Variants in ABCB5 observed in about 807,000 individuals in gnomAD.
ABCB5 encodes ATP binding cassette subfamily B member 5.
Under a neutral mutation model 144.2 loss-of-function variants are expected in ABCB5, and 155 were observed. The observed-to-expected ratio is 1.08, with a 90% confidence interval of 0.94 to 1.23. The LOEUF (loss-of-function observed/expected upper bound fraction) is 1.23, where lower values mean the gene tolerates loss of function less well. Ranked by LOEUF, ABCB5 falls within the 50% of genes most tolerant of loss-of-function variation. The pLI, the probability that ABCB5 is intolerant of heterozygous loss-of-function variation, is 0.00. For missense variants in ABCB5, 1,830 were observed against 1,520.8 expected (o/e 1.20, Z -3.38); for synonymous variants, 610 against 528.6 (o/e 1.15, Z -2.11).
intron 10 of ABCB5, 38 bp from the exon 11 acceptor site, chr7:20,647,930 C>A: frequency 7.5e-7 from 1 of 1,329,766 alleles, no homozygotes; most frequent in Non-Finnish European, 1.1e-6. Context: ...TCAGTTTACT[C>A]CTTTGAAGAT....
chr7:20,658,319 T>C (rs757828314), intron 13 of ABCB5, among the ~76,000 whole-genome samples, 187 bp from the exon 14 acceptor site: 1 of 143,800 alleles, frequency 7.0e-6, no homozygotes, highest in East Asian at 2.0e-4. Context: ...TCCTCTCTTC[T>C]TTGGGCTCTT....
chr7:20,664,040 AAAAG>A (rs1316251517), intron 14 of ABCB5, among the ~76,000 whole-genome samples: 6 of 142,190 alleles, frequency 4.2e-5, no homozygotes, highest in Admixed American at 4.1e-4. Context: ...TTTTTTACCA[AAAAG>A]AGAGAGAGAG....
intron 14 of ABCB5, among the ~76,000 whole-genome samples, chr7:20,677,654 G>A (rs756977382): frequency 3.9e-4 from 60 of 152,058 alleles, no homozygotes; most frequent in African/African-American, 2.4e-5. Context: ...GCTTGAACCC[G>A]GGAGGTGGAG....
At chr7:20,650,432 T>G (rs1784546586) in intron 12 of ABCB5, among the ~76,000 whole-genome samples, 2 of 152,144 alleles carry the variant, frequency 1.3e-5, no homozygotes, top group Non-Finnish European at 2.9e-5. Context: ...AAAAAATAAG[T>G]AAATTATATA....
At chr7:20,698,662 C>T in intron 17 of ABCB5, 112 bp downstream of exon 17, 2 of 1,010,124 alleles carry the variant, frequency 2.0e-6, no homozygotes, top group East Asian at 5.7e-5. Flanking sequence ...TTTTAGTGGG[C>T]CGCCCCTAGT....
intron 14 of ABCB5, among the ~76,000 whole-genome samples, chr7:20,677,029 T>C (rs1456208265): frequency 1.3e-5 from 2 of 152,242 alleles, no homozygotes; most frequent in African/African-American, 4.8e-5. Flanking sequence ...CCTTGTAATG[T>C]ATTAATTATT....
Position 20,739,131 on chromosome 7 carries a change from A to G in ABCB5, c.3016A>G (p.Lys1006Glu), listed in dbSNP as rs748218793. ...PNIDSRSQEGKKPDTCEGNLE... is the reference protein window; with the variant it reads ...PNIDSRSQEGEKPDTCEGNLE... The stretch of plus-strand genomic sequence containing the variant: ...TATAGACAGCCGCAGTCAAGAAGGG[A>G]AAAAGCCAGTAAGCACAACTGTGAT... The change falls in exon 24 of 28, where the codon AAA becomes GAA. Residue 1006 changes from lysine (K) to glutamate (E), a missense_variant. Coordinates refer to ENST00000404938, the MANE Select transcript of ABCB5 (RefSeq NM_001163941.2). 55 of 1,599,168 alleles carry G rather than the reference A, an allele frequency of 3.4e-5. No homozygotes were observed. Among genetic ancestry groups the G allele is most frequent in the Non-Finnish European group, 4.3e-5 (50 of 1,172,562 alleles).
At chr7:20,708,609 C>A (rs1257477299) in intron 20 of ABCB5, among the ~76,000 whole-genome samples, 1 of 152,126 alleles carries the variant, frequency 6.6e-6, no homozygotes, top group Non-Finnish European at 1.5e-5. Context: ...TCAAAAATTT[C>A]CCTTGACAAA....
At chr7:20,654,515 T>C (rs182761449) in intron 13 of ABCB5, among the ~76,000 whole-genome samples, 3 of 152,324 alleles carry the variant, frequency 2.0e-5, no homozygotes, top group African/African-American at 7.2e-5. Context: ...CTGGCATTTA[T>C]ACGACATTCC....
At position 20,731,355 on chromosome 7, in the gene ABCB5, G is replaced by GAAAAAAAAAAAAAAA. The variant is rs869149519; in HGVS notation, c.2867+2901_2867+2915dup. On this transcript the variant is annotated intron_variant, in intron 23 of 27. Coordinates refer to ENST00000404938, the MANE Select transcript of ABCB5 (RefSeq NM_001163941.2). ...GCAACAGAGCAAGACTCCAACTCAG[G>GAAAAAAAAAAAAAAA]AAAAAAAAAAAAAAATATATATATA... 3.4e-4 allele frequency among the ~76,000 whole-genome samples: 44 copies of GAAAAAAAAAAAAAAA among 127,828 alleles called. No individual in the cohort carries two copies. The East Asian group carries it at 7.6e-3, about 22-fold the overall frequency. The allele number at this position is 127,828 out of a possible 152,430, so 83.9% of individuals were successfully genotyped here. A position where few individuals can be genotyped will look rare whatever the true frequency, so the allele number is the denominator to read the frequency against.
In ABCB5 at chr7:20,661,003, C is replaced by T. The variant is rs78266540; in HGVS notation, c.1707+2327C>T. 5.3e-5 allele frequency among the ~76,000 whole-genome samples: 8 copies of T among 152,346 alleles called. No individual in the cohort carries two copies. The East Asian group carries it at 1.5e-3, about 29-fold the overall frequency. ...TTCTAACTAAACAGCAACATGAAGG[C>T]ACTAACACCCTTTTCCTCACTTGGA... On this transcript the variant is annotated intron_variant, in intron 14 of 27. Coordinates refer to ENST00000404938, the MANE Select transcript of ABCB5 (RefSeq NM_001163941.2).
At chr7:20,746,874 T>C (rs1197860670) in intron 26 of ABCB5, among the ~76,000 whole-genome samples, 2 of 152,230 alleles carry the variant, frequency 1.3e-5, no homozygotes, top group African/African-American at 4.8e-5. Context: ...ACTAAGTTTC[T>C]ATCTCACTTT....
chr7:20,663,469 G>C (rs969059061), intron 14 of ABCB5, among the ~76,000 whole-genome samples: 17 of 152,234 alleles, frequency 1.1e-4, no homozygotes, highest in Non-Finnish European at 2.2e-4. Flanking sequence ...ATTATCCTAA[G>C]TGAAATAAAA....
chr7:20,710,367 C>CA lies in ABCB5; in HGVS notation c.2421+5574dup, dbSNP rs144865719. 6.9e-3 allele frequency among the ~76,000 whole-genome samples: 242 copies of CA among 35,108 alleles called. 13 individuals carry two copies. Among genetic ancestry groups the CA allele is most frequent in the African/African-American group, 0.028 (203 of 7,152 alleles). 23.0% of individuals were successfully genotyped at this position (35,108 alleles called of 152,430 possible). A position where few individuals can be genotyped will look rare whatever the true frequency, so the allele number is the denominator to read the frequency against. On this transcript the variant is annotated intron_variant, in intron 20 of 27. Coordinates refer to ENST00000404938, the MANE Select transcript of ABCB5 (RefSeq NM_001163941.2). The stretch of plus-strand genomic sequence containing the variant: ...GGGCAACAAGAGTGAAACTCCACCT[C>CA]AAAAAAAAAAAAAAGTGGGGGGGGG...
At chr7:20,628,051 C>A (rs1783947760) in intron 3 of ABCB5, among the ~76,000 whole-genome samples, 1 of 152,094 alleles carries the variant, frequency 6.6e-6, no homozygotes, top group Non-Finnish European at 1.5e-5. Context: ...GGTACATGTT[C>A]ACAACGTGCA....
chr7:20,703,827 T>C (rs1786717371), intron 19 of ABCB5, among the ~76,000 whole-genome samples: 1 of 152,176 alleles, frequency 6.6e-6, no homozygotes, highest in South Asian at 2.1e-4. Context: ...ATTATACTTT[T>C]ATTGCTTGTA....
chr7:20,638,254 AATAG>A (rs1419026115), intron 5 of ABCB5, among the ~76,000 whole-genome samples: 3 of 152,328 alleles, frequency 2.0e-5, no homozygotes, highest in African/African-American at 7.2e-5. Context: ...TCCCAACACT[AATAG>A]ATAAAAATAT....
At chr7:20,659,352 A>ATG (rs1784922333) in intron 14 of ABCB5, 1 of 1,287,408 alleles carries the variant, frequency 7.8e-7, no homozygotes, top group Admixed American at 3.5e-5. Context: ...ACAAGGCTTA[A>ATG]TGGCACATTT....
At chr7:20,714,245 A>T (rs1205350744) in intron 20 of ABCB5, among the ~76,000 whole-genome samples, 1 of 152,058 alleles carries the variant, frequency 6.6e-6, no homozygotes, top group Non-Finnish European at 1.5e-5. Context: ...TAATTTTCTT[A>T]TCAAAGTGAT....
Sources: gnomAD v4.1 joint callset for allele counts (sites outside exome capture counted in the v4.1 genomes callset) on GRCh38, gnomAD v4.1.1 for gene constraint, MANE v1.5 for transcripts, NCBI Gene and HGNC (gene_info 2026-07-23, HGNC 2026-07-21) for gene names.